The following PCDHGA7 variants were observed in gnomAD, a reference collection of about 807,000 sequenced individuals.
PCDHGA7 encodes protocadherin gamma subfamily A, 7.
A neutral mutation model predicts 58.3 loss-of-function variants in PCDHGA7; 44 were observed. The ratio of observed to expected loss-of-function variants is 0.75; its 90% confidence interval spans 0.59 to 0.97. PCDHGA7 has a LOEUF of 0.97. Among genes scored for constraint, PCDHGA7 ranks in the 50% least tolerant of loss-of-function variants. The probability of loss-of-function intolerance (pLI) is 0.00; values close to 1 mark genes in which losing one functional copy is unlikely to be tolerated. For synonymous variants in PCDHGA7, 516 were observed against 504.2 expected (o/e 1.02, Z -0.31); for missense variants, 1,266 against 1,188.7 (o/e 1.06, Z -0.96).
chr5:141,463,018 T>C (rs1318740358), intron 1 of PCDHGA7, among the ~76,000 whole-genome samples: 1 of 152,212 alleles, frequency 6.6e-6, no homozygotes, highest in Admixed American at 6.5e-5. Flanking sequence ...AATTCTGACT[T>C]TTTTGATTAA....
rs376890554 is a variant in PCDHGA7 at position 141,408,250 on chromosome 5, G to A, written c.2424+22927G>A. 3.6e-4 allele frequency: 569 copies of A among 1,595,986 alleles called. 5 individuals are homozygous for A. The highest frequency in any genetic ancestry group is 1.7e-3 in the South Asian group (151 of 89,354). On this transcript the variant is annotated intron_variant, in intron 1 of 3. Coordinates refer to ENST00000518325, the MANE Select transcript of PCDHGA7 (RefSeq NM_018920.4). ...GGCGCCGGGCCGGCCCGCGGCAGGT[G>A]CTATTTCCTTTGCTGCTGCCTTTGT... is the stretch of plus-strand genomic sequence containing the variant.
In PCDHGA7 at chr5:141,432,716, C is replaced by G. The variant is rs1417017747; in HGVS notation, c.2424+47393C>G. ...GGCCGTCCAGGACCACGGCCAGCCC[C>G]CTCTCTCCGCCACTGTCACGCTCAC... On this transcript the variant is annotated intron_variant, in intron 1 of 3. Coordinates refer to ENST00000518325, the MANE Select transcript of PCDHGA7 (RefSeq NM_018920.4). This position sits in a 1 kb window ranked among gnomAD's most constrained non-coding sequence, Gnocchi z 6.0. 5.6e-6 allele frequency: 9 copies of G among 1,613,912 alleles called. No individual in the cohort carries two copies. Among genetic ancestry groups the G allele is most frequent in the Non-Finnish European group, 7.6e-6 (9 of 1,179,990 alleles).
intron 1 of PCDHGA7, chr5:141,409,321 T>G (rs899218484): frequency 1.9e-6 from 3 of 1,613,996 alleles, no homozygotes; most frequent in Admixed American, 1.7e-5. Context: ...AAACACGGGA[T>G]CTGGATTTCG....
chr5:141,421,380 G>A, intron 1 of PCDHGA7: 1 of 1,614,064 alleles, frequency 6.2e-7, no homozygotes, highest in Non-Finnish European at 8.5e-7. Context: ...ATATCTCCAA[G>A]GACCTGGGGC....
chr5:141,394,263 A>C lies in PCDHGA7; in HGVS notation c.2424+8940A>C, dbSNP rs745926581. The C allele has an allele frequency of 2.5e-6, 4 of 1,613,766 alleles. No homozygotes were observed. In the African/African-American group the frequency reaches 5.3e-5, roughly 22 times the overall value. On this transcript the variant is annotated intron_variant, in intron 1 of 3. Coordinates refer to ENST00000518325, the MANE Select transcript of PCDHGA7 (RefSeq NM_018920.4). ...TGCACACGACCCCGACAGCCAGGAG[A>C]ATGCCCAGGTCACTTACTCTGTGAC...
intron 1 of PCDHGA7, chr5:141,421,801 A>G (rs754191783): frequency 6.2e-7 from 1 of 1,613,858 alleles, no homozygotes; most frequent in Middle Eastern, 1.6e-4. Flanking sequence ...TGGGGCCAAG[A>G]ATCCAGAGCT....
intron 1 of PCDHGA7, chr5:141,388,301 G>C (rs1323976869): frequency 6.2e-7 from 1 of 1,613,606 alleles, no homozygotes; most frequent in African/African-American, 1.3e-5. Context: ...ATTCCTTTGA[G>C]CTGCAAATAA....
chr5:141,399,106 T>C, intron 1 of PCDHGA7: 2 of 1,613,784 alleles, frequency 1.2e-6, no homozygotes, highest in Non-Finnish European at 1.7e-6. Context: ...GGTTGCACAA[T>C]GTACAGTTGA....
chr5:141,490,891 C>A lies in PCDHGA7; in HGVS notation c.2425-3916C>A, dbSNP rs1462296497. The A allele has an allele frequency of 6.2e-7, 1 of 1,613,204 alleles. No homozygotes were observed. Among genetic ancestry groups the A allele is most frequent in the Non-Finnish European group, 8.5e-7 (1 of 1,179,262 alleles). On this transcript the variant is annotated intron_variant, in intron 1 of 3. Transcript: ENST00000518325. This position sits in a 1 kb window ranked among gnomAD's most constrained non-coding sequence, Gnocchi z 5.4. ...CCCATTGCATGCCAACACATCTCTGCATGTGTTTGTCCTAGACGAGAATGA... is the reference window on the plus strand; with the variant it reads ...CCCATTGCATGCCAACACATCTCTGAATGTGTTTGTCCTAGACGAGAATGA...
intron 3 of PCDHGA7, among the ~76,000 whole-genome samples, chr5:141,505,766 C>T (rs1420683619): frequency 2.0e-5 from 3 of 151,768 alleles, no homozygotes; most frequent in African/African-American, 4.8e-5. Context: ...CAGTGTAGCT[C>T]AGGTCCTAGC....
rs776374898 is a variant in PCDHGA7, at chr5:141,414,958, G to A, written c.2424+29635G>A. ...AGAGCCCGGCTACCTGGTGACCAAG[G>A]TGGTGGCGGTGGACAGAGACTCCGG... On this transcript the variant is annotated intron_variant, in intron 1 of 3. Coordinates refer to ENST00000518325, the MANE Select transcript of PCDHGA7 (RefSeq NM_018920.4). The A allele has an allele frequency of 3.7e-6, 6 of 1,614,024 alleles. No homozygotes were observed. The South Asian group carries it at 4.4e-5, about 12-fold the overall frequency.
Position 141,426,915 on chromosome 5 carries a change from G to A in PCDHGA7, c.2424+41592G>A, listed in dbSNP as rs143411146. On this transcript the variant is annotated intron_variant, in intron 1 of 3. Coordinates refer to ENST00000518325, the MANE Select transcript of PCDHGA7 (RefSeq NM_018920.4). ...ACAGAGCTCTCATCTCCTGGTCCTG[G>A]AAGCAATGGACATGGGTGACCCAGT... 1,737 of 456,738 alleles carry A rather than the reference G, an allele frequency of 3.8e-3. 17 individuals carry two copies. Among genetic ancestry groups the A allele is most frequent in the Admixed American group, 0.01 (426 of 42,586 alleles). The allele number at this position is 456,738 out of a possible 1,614,324, so 28.3% of individuals were successfully genotyped here.
At chr5:141,393,447 C>T (rs753693736) in intron 1 of PCDHGA7, 3 of 1,614,052 alleles carry the variant, frequency 1.9e-6, no homozygotes, top group East Asian at 4.5e-5. Context: ...CCACCTGGTC[C>T]TCACGGCCTC....
At position 141,432,225 on chromosome 5, in the gene PCDHGA7, A is replaced by T; in HGVS notation, c.2424+46902A>T. On this transcript the variant is annotated intron_variant, in intron 1 of 3. Transcript: ENST00000518325. This position sits in a 1 kb window ranked among gnomAD's most constrained non-coding sequence, Gnocchi z 6.0. ...TGTGAAGAGAACGCCCAGATCACTT[A>T]TTCCCTGGCTGAGAACACCATCCAA... The T allele has an allele frequency of 1.2e-6, 2 of 1,614,206 alleles. No individual in the cohort carries two copies. Among genetic ancestry groups the T allele is most frequent in the South Asian group, 2.2e-5 (2 of 91,080 alleles).
intron 1 of PCDHGA7, chr5:141,413,350 G>C: frequency 6.2e-7 from 1 of 1,613,974 alleles, no homozygotes; most frequent in South Asian, 1.1e-5. Context: ...CTTGGGTCTG[G>C]CGCCCCGGGA....
At chr5:141,413,148 CTT>C (rs2095608671) in intron 1 of PCDHGA7, 2 of 1,570,414 alleles carry the variant, frequency 1.3e-6, no homozygotes, top group South Asian at 1.2e-5. Flanking sequence ...CCAGTGAGGA[CTT>C]TGCAGAATTC....
intron 1 of PCDHGA7, chr5:141,418,673 G>A (rs2096279740): frequency 5.0e-6 from 8 of 1,614,026 alleles, no homozygotes; most frequent in Non-Finnish European, 6.8e-6. Context: ...CCAGGACGAG[G>A]GCATCAACTC....
Position 141,487,070 on chromosome 5 carries a change from C to A in PCDHGA7, c.2425-7737C>A, listed in dbSNP as rs1365482479. The A allele has an allele frequency of 6.2e-7, 1 of 1,614,036 alleles. No individual in the cohort carries two copies. The highest frequency in any genetic ancestry group is 8.5e-7 in the Non-Finnish European group (1 of 1,180,016). ...TGCTGGGGAGGTGCGGACGGCTGTT[C>A]CTATCCCAGCTGACCTCCCACCACA... is the stretch of plus-strand genomic sequence containing the variant. On this transcript the variant is annotated intron_variant, in intron 1 of 3. Coordinates refer to ENST00000518325, the MANE Select transcript of PCDHGA7 (RefSeq NM_018920.4). The surrounding 1 kb of genome is among the most constrained non-coding windows in gnomAD (Gnocchi z 5.0).
intron 3 of PCDHGA7, among the ~76,000 whole-genome samples, chr5:141,506,454 A>G (rs2099853946): frequency 6.6e-6 from 1 of 151,844 alleles, no homozygotes; most frequent in African/African-American, 2.4e-5. Context: ...CAAAAAAAAA[A>G]AAAAAAAAAA....
Sources: gnomAD v4.1 joint callset for allele counts (sites outside exome capture counted in the v4.1 genomes callset) on GRCh38, gnomAD v4.1.1 for gene constraint, Gnocchi (gnomAD v3.1) non-coding constraint, MANE v1.5 for transcripts, NCBI Gene and HGNC (gene_info 2026-07-23, HGNC 2026-07-21) for gene names.